ENTPD5: variants seen among roughly 807,000 people sequenced by gnomAD.
The protein encoded by ENTPD5 is ectonucleoside triphosphate diphosphohydrolase 5 (inactive).
ENTPD5 carries 49 observed loss-of-function variants against 60.2 expected under a neutral mutation model. The observed-to-expected ratio is 0.81, with a 90% confidence interval of 0.65 to 1.03. The LOEUF (loss-of-function observed/expected upper bound fraction) is 1.03, where lower values mean the gene tolerates loss of function less well. Among genes scored for constraint, ENTPD5 ranks in the 50% least tolerant of loss-of-function variants. The pLI is 0.00. For missense variants in ENTPD5, 480 were observed against 507.6 expected, an observed-to-expected ratio of 0.95 and a Z score of 0.52; for synonymous variants, 187 against 185.4, an observed-to-expected ratio of 1.01 and a Z score of -0.07.
At chr14:74,005,821 AAAAC>A (rs2058664718) in intron 3 of ENTPD5, among the ~76,000 whole-genome samples, 4 of 151,328 alleles carry the variant, frequency 2.6e-5, no homozygotes, top group African/African-American at 7.4e-5. Flanking sequence ...AAATAAATAA[AAAAC>A]AAAACAAATA....
chr14:73,968,422 ACT>A (rs1389483258), intron 15 of ENTPD5, among the ~76,000 whole-genome samples: 4 of 99,352 alleles, frequency 4.0e-5, no homozygotes, highest in African/African-American at 1.4e-4. Flanking sequence ...TATTACTGAT[ACT>A]CTTTTTTTTT....
chr14:73,985,800 G>A (rs974617922), intron 5 of ENTPD5, among the ~76,000 whole-genome samples: 1 of 152,040 alleles, frequency 6.6e-6, no homozygotes, highest in Non-Finnish European at 1.5e-5. Flanking sequence ...GGGGCCAGGT[G>A]CAGTGGCTCA....
At chr14:73,995,206 G>A (rs533758049) in intron 3 of ENTPD5, among the ~76,000 whole-genome samples, 17 of 151,824 alleles carry the variant, frequency 1.1e-4, no homozygotes, top group East Asian at 5.8e-4. Context: ...GTGCCGCCGC[G>A]CCTGGCTAAT....
intron 3 of ENTPD5, among the ~76,000 whole-genome samples, chr14:74,006,742 G>C (rs1280939180): frequency 7.0e-6 from 1 of 143,018 alleles, no homozygotes; most frequent in Non-Finnish European, 1.6e-5. Flanking sequence ...GAGCCACCAT[G>C]CCCAGTGAAT....
chr14:73,956,239 A>G, downstream of ENTPD5: 1 of 347,746 alleles, frequency 2.9e-6, no homozygotes, highest in Non-Finnish European at 5.7e-6. Context: ...GAGGCAGGAG[A>G]ATGGCGTGAA....
chr14:73,966,877 T>G lies in ENTPD5; in HGVS notation c.*51A>C. The G allele has an allele frequency of 7.3e-7, 1 of 1,376,230 alleles. No homozygotes were observed. The highest frequency in any genetic ancestry group is 1.7e-5 in the Admixed American group (1 of 59,102). 85.3% of individuals were successfully genotyped at this position (1,376,230 alleles called of 1,614,324 possible). ...AGTTCAGAAACTAAGTGCTCTCTCC[T>G]CCCCTTAAAAAGGTGTTGGCAAATG... is the stretch of plus-strand genomic sequence containing the variant. On this transcript the variant is annotated 3_prime_UTR_variant, in exon 16 of 16. Coordinates refer to ENST00000334696, the MANE Select transcript of ENTPD5 (RefSeq NM_001249.5).
chr14:73,958,629 A>G (rs1364726190), downstream of ENTPD5: 3 of 1,289,328 alleles, frequency 2.3e-6, no homozygotes, highest in African/African-American at 4.5e-5. Context: ...CCCTTTTTGC[A>G]TGGTAGCCAT....
At chr14:73,960,686 C>A, downstream of ENTPD5, 1 of 710,378 alleles carries the variant, frequency 1.4e-6, no homozygotes, top group Non-Finnish European at 1.8e-6. Context: ...TAAGGAAGAC[C>A]GTAAATGACA....
rs150790560 is a variant in ENTPD5 at position 73,995,769 on chromosome 14, G to A, written c.-70-7597C>T. ...GCTACTCAAAATAGTGCAGATAGGCGTACTTTTTGTAGACTAGGGAGGTAT... is the reference window on the plus strand; with the variant it reads ...GCTACTCAAAATAGTGCAGATAGGCATACTTTTTGTAGACTAGGGAGGTAT... On this transcript the variant is annotated intron_variant, in intron 3 of 15. Coordinates refer to ENST00000334696, the MANE Select transcript of ENTPD5 (RefSeq NM_001249.5). Among the ~76,000 whole-genome samples, 266 of 152,130 alleles carry A rather than the reference G, an allele frequency of 1.7e-3. 2 individuals are homozygous for A. The highest frequency in any genetic ancestry group is 5.4e-3 in the African/African-American group (222 of 41,474).
chr14:73,980,296 G>A (rs1191455759), intron 6 of ENTPD5, among the ~76,000 whole-genome samples: 3 of 143,814 alleles, frequency 2.1e-5, no homozygotes, highest in South Asian at 2.2e-4. Flanking sequence ...ACAGAGTCTC[G>A]CTCTGTTGCC....
At chr14:73,991,777 G>A (rs570873702) in intron 3 of ENTPD5, among the ~76,000 whole-genome samples, 5 of 151,642 alleles carry the variant, frequency 3.3e-5, no homozygotes, top group Non-Finnish European at 7.4e-5. Flanking sequence ...ATTGCCAGCT[G>A]TCTGCTGGCT....
chr14:73,965,776 G>C lies in ENTPD5; in HGVS notation c.*1152C>G, dbSNP rs1003869779. 2 of 152,208 alleles carry C rather than the reference G, an allele frequency of 1.3e-5. No homozygotes were observed. Among genetic ancestry groups the C allele is most frequent in the Non-Finnish European group, 2.9e-5 (2 of 68,082 alleles). The allele number at this position is 152,208 out of a possible 1,614,324, so 9.4% of individuals were successfully genotyped here. Reference sequence around the variant, plus strand: ...TAAATAATTCACAGTCAAGAGCTCTGAGCACTTGGATTCAAAAAGAGAGCA... The same window carrying C: ...TAAATAATTCACAGTCAAGAGCTCTCAGCACTTGGATTCAAAAAGAGAGCA... On this transcript the variant is annotated 3_prime_UTR_variant, in exon 16 of 16. Transcript: ENST00000334696.
At chr14:74,007,815 T>C (rs2058726600) in intron 3 of ENTPD5, 1 of 148,374 alleles carries the variant, frequency 6.7e-6, no homozygotes. Context: ...AGTGAGACCT[T>C]GTGTTGAAAA....
chr14:73,961,663 A>G, downstream of ENTPD5: 3 of 1,605,914 alleles, frequency 1.9e-6, no homozygotes, highest in South Asian at 1.1e-5. Flanking sequence ...GACATAAAAT[A>G]TATCTGGCTT....
intron 3 of ENTPD5, chr14:73,996,321 C>T (rs1181270059): frequency 5.7e-6 from 2 of 350,868 alleles, no homozygotes; most frequent in Non-Finnish European, 8.0e-6. Context: ...GTACACAATT[C>T]GTTCATCTAC....
downstream of ENTPD5, chr14:73,959,104 G>T: frequency 2.5e-6 from 4 of 1,614,106 alleles, no homozygotes; most frequent in Non-Finnish European, 3.4e-6. Context: ...GCCATCTGGG[G>T]ACTTTATTCA....
At chr14:74,007,301 C>A (rs543989823) in intron 3 of ENTPD5, among the ~76,000 whole-genome samples, 4 of 152,282 alleles carry the variant, frequency 2.6e-5, no homozygotes, top group African/African-American at 9.6e-5. Context: ...GAGGGCGGAT[C>A]ACGAGGTCAG....
At chr14:73,995,300 A>G (rs2058302101) in intron 3 of ENTPD5, among the ~76,000 whole-genome samples, 1 of 152,144 alleles carries the variant, frequency 6.6e-6, no homozygotes, top group African/African-American at 2.4e-5. Context: ...CACCCGCCTC[A>G]GCCTCCCAAA....
chr14:74,017,329 AAAAG>A (rs2059048737), intron 1 of ENTPD5, among the ~76,000 whole-genome samples: 1 of 31,648 alleles, frequency 3.2e-5, no homozygotes, highest in Non-Finnish European at 5.2e-5. Flanking sequence ...AAAAAAAAAG[AAAAG>A]AAAAAGCCAT....
Sources: gnomAD v4.1 joint callset for allele counts (sites outside exome capture counted in the v4.1 genomes callset) on GRCh38, gnomAD v4.1.1 for gene constraint, MANE v1.5 for transcripts, NCBI Gene and HGNC (gene_info 2026-07-23, HGNC 2026-07-21) for gene names.